Variants in THSD4 observed in about 807,000 individuals in gnomAD.
THSD4 encodes the protein thrombospondin type 1 domain containing 4.
Under a neutral mutation model 119.0 loss-of-function variants are expected in THSD4, and 69 were observed. The ratio of observed to expected loss-of-function variants is 0.58; its 90% CI spans 0.48 to 0.71. The LOEUF is 0.71. THSD4 is among the 30% of genes least tolerant of loss of function. THSD4 has a pLI of 0.00. For synonymous variants in THSD4, 524 were observed against 540.4 expected, an observed-to-expected ratio of 0.97 and a Z score of 0.42; for missense variants, 1,393 against 1,391.1, an observed-to-expected ratio of 1.00 and a Z score of -0.02.
chr15:71,573,591 C>T (rs2140903358), intron 7 of THSD4, among the ~76,000 whole-genome samples: 1 of 152,264 alleles, frequency 6.6e-6, no homozygotes, highest in East Asian at 1.9e-4. Context: ...ATAAGTTAAA[C>T]ACCATACTGT....
At chr15:71,353,289 T>C (rs2045767082) in intron 6 of THSD4, among the ~76,000 whole-genome samples, 2 of 152,230 alleles carry the variant, frequency 1.3e-5, no homozygotes, top group Non-Finnish European at 2.9e-5. Flanking sequence ...CATCTTTAGC[T>C]GGTTTGGGCC....
chr15:71,263,959 A>G (rs2044434029), intron 6 of THSD4, among the ~76,000 whole-genome samples: 1 of 152,232 alleles, frequency 6.6e-6, no homozygotes, highest in East Asian at 1.9e-4. Context: ...ATGTTGCTCC[A>G]GGGAATATTA....
At position 71,215,089 on chromosome 15, in the gene THSD4, G is replaced by T. The variant is rs1326356765; in HGVS notation, c.154G>T (p.Ala52Ser). Residue 52 changes from alanine (A) to serine (S), a missense_variant, in exon 4 of 18, where the codon GCC becomes TCC. Ala to Ser is a moderately conservative substitution (Grantham distance 99, BLOSUM62 1). Transcript: ENST00000261862. The part of the protein sequence containing the change: ...GAPEDDGGGG[A>S]PGVWGAWGPW... ...CCCCGAGGACGACGGCGGCGGCGGC[G>T]CCCCGGGAGTGTGGGGCGCCTGGGG... The T allele has an allele frequency of 7.7e-7, 1 of 1,306,620 alleles. No individual in the cohort carries two copies. The highest frequency in any genetic ancestry group is 2.4e-5 in the South Asian group (1 of 41,176). 80.9% of individuals were successfully genotyped at this position (1,306,620 alleles called of 1,614,324 possible). A position where few individuals can be genotyped will look rare whatever the true frequency, so the allele number is the denominator to read the frequency against.
chr15:71,309,758 G>T (rs573289297), intron 6 of THSD4, among the ~76,000 whole-genome samples: 2 of 152,308 alleles, frequency 1.3e-5, no homozygotes, highest in African/African-American at 2.4e-5. Context: ...ACCATTGAAT[G>T]ATTTGGGCAC....
chr15:71,112,268 T>A, upstream of THSD4: 1 of 1,562,944 alleles, frequency 6.4e-7, no homozygotes, highest in South Asian at 1.2e-5. Context: ...TTCTATAGGA[T>A]GTCGTATGCA....
intron 6 of THSD4, among the ~76,000 whole-genome samples, chr15:71,375,353 TG>T (rs938905349): frequency 6.6e-6 from 1 of 152,190 alleles, no homozygotes; most frequent in African/African-American, 2.4e-5. Flanking sequence ...TGCTTTCCTC[TG>T]AGCAGCCTTT....
chr15:71,723,447 G>A (rs369970367), intron 8 of THSD4, among the ~76,000 whole-genome samples: 170 of 152,236 alleles, frequency 1.1e-3, no homozygotes, highest in African/African-American at 4.0e-3. Flanking sequence ...CTTGTACTTG[G>A]TTTTCTGTGA....
intron 7 of THSD4, among the ~76,000 whole-genome samples, chr15:71,437,689 GGGTCCC>G: frequency 6.6e-6 from 1 of 152,282 alleles, no homozygotes. Context: ...ACTGGTACAT[GGGTCCC>G]TTTACATGTT....
chr15:71,140,500 A>G (rs914514797), intron 1 of THSD4, among the ~76,000 whole-genome samples: 3 of 152,220 alleles, frequency 2.0e-5, no homozygotes, highest in East Asian at 1.9e-4. Flanking sequence ...CCTCCAATGG[A>G]CCCCACCTCC....
At chr15:71,245,677 G>A (rs939717614) in intron 5 of THSD4, among the ~76,000 whole-genome samples, 4 of 152,188 alleles carry the variant, frequency 2.6e-5, no homozygotes, top group African/African-American at 9.7e-5. Context: ...AGTCTCCCCT[G>A]TGCCCGGGGT....
chr15:71,371,620 G>C (rs2046050536), intron 6 of THSD4, among the ~76,000 whole-genome samples: 1 of 152,158 alleles, frequency 6.6e-6, no homozygotes, highest in African/African-American at 2.4e-5. Context: ...ACTGACTTCT[G>C]GCTTGTAGAG....
At chr15:71,381,749 A>G (rs758478968) in intron 6 of THSD4, among the ~76,000 whole-genome samples, 5 of 152,334 alleles carry the variant, frequency 3.3e-5, no homozygotes, top group Non-Finnish European at 7.4e-5. Context: ...TGAAATTATG[A>G]CTGCTGCCGT....
intron 6 of THSD4, among the ~76,000 whole-genome samples, chr15:71,375,774 T>C (rs1384322013): frequency 6.6e-6 from 1 of 152,184 alleles, no homozygotes; most frequent in African/African-American, 2.4e-5. Flanking sequence ...TTGTTAGGAA[T>C]GCAAATTCGG....
At chr15:71,298,830 C>G (rs1021027657) in intron 6 of THSD4, among the ~76,000 whole-genome samples, 23 of 152,206 alleles carry the variant, frequency 1.5e-4, no homozygotes, top group Non-Finnish European at 2.9e-4. Context: ...CCAGGCTGGT[C>G]TCGAACTCCT....
At chr15:71,350,563 A>G (rs1673161349) in intron 6 of THSD4, among the ~76,000 whole-genome samples, 1 of 152,044 alleles carries the variant, frequency 6.6e-6, no homozygotes, top group South Asian at 2.1e-4. Flanking sequence ...TTGAATTTTT[A>G]TTTTTCTTCT....
At chr15:71,762,070 C>CAA (rs942840028) in intron 15 of THSD4, among the ~76,000 whole-genome samples, 1 of 152,110 alleles carries the variant, frequency 6.6e-6, no homozygotes, top group African/African-American at 2.4e-5. Flanking sequence ...TTTCATTGTT[C>CAA]AAAGATTCCC....
chr15:71,696,217 A>G (rs2052162358), intron 8 of THSD4, among the ~76,000 whole-genome samples: 3 of 152,232 alleles, frequency 2.0e-5, no homozygotes, highest in African/African-American at 7.2e-5. Context: ...GTTCAAGAGC[A>G]TGGCCGTGGT....
intron 6 of THSD4, among the ~76,000 whole-genome samples, chr15:71,375,598 C>G (rs2046124923): frequency 6.6e-6 from 1 of 152,122 alleles, no homozygotes; most frequent in Non-Finnish European, 1.5e-5. Flanking sequence ...TGATGATGTC[C>G]TCTGTGAGTG....
At position 71,256,599 on chromosome 15, in the gene THSD4, A is replaced by G. The variant is rs755551909; in HGVS notation, c.913-14A>G. On this transcript the variant is annotated splice_polypyrimidine_tract_variant and intron_variant, in intron 5 of 17. Transcript: ENST00000261862. ...TATGGACACTAATTGCATATTTAAT[A>G]TCTGCTTTATTAGGTATGTCCAGAA... 6.2e-7 allele frequency: 1 copy of G among 1,610,204 alleles called. No individual in the cohort carries two copies. Among genetic ancestry groups the G allele is most frequent in the South Asian group, 1.1e-5 (1 of 90,788 alleles).
Sources: allele counts gnomAD v4.1 joint callset (sites outside exome capture counted in the v4.1 genomes callset), GRCh38; gene constraint gnomAD v4.1.1; transcripts MANE v1.5; gene names NCBI Gene and HGNC (gene_info 2026-07-23, HGNC 2026-07-21).